Variants in GBE1 observed in about 807,000 individuals in gnomAD.
GBE1 encodes 1,4-alpha-glucan-branching enzyme.
A neutral mutation model predicts 88.8 loss-of-function variants in GBE1; 70 were observed. That is an observed-to-expected ratio of 0.79 (90% CI 0.65 to 0.96). The LOEUF (loss-of-function observed/expected upper bound fraction) is 0.96, where lower values mean the gene tolerates loss of function less well. Among genes scored for constraint, GBE1 ranks in the 40% least tolerant of loss-of-function variants. The probability of loss-of-function intolerance (pLI) is 0.00; values close to 1 mark genes in which losing one functional copy is unlikely to be tolerated. For missense variants in GBE1, 872 were observed against 871.0 expected, an observed-to-expected ratio of 1.00 and a Z score of -0.01; for synonymous variants, 284 against 300.1, an observed-to-expected ratio of 0.95 and a Z score of 0.56.
At chr3:81,584,944 T>C (rs1703781712) in intron 10 of GBE1, among the ~76,000 whole-genome samples, 1 of 152,116 alleles carries the variant, frequency 6.6e-6, no homozygotes, top group African/African-American at 2.4e-5. Flanking sequence ...GAAAAAAGTC[T>C]ACATGAAAAA....
chr3:81,497,521 A>C (rs767200989), intron 15 of GBE1, among the ~76,000 whole-genome samples: 12 of 152,204 alleles, frequency 7.9e-5, no homozygotes, highest in Non-Finnish European at 1.6e-4. Flanking sequence ...GTGCAAAAAA[A>C]GTTAAATTAA....
intron 12 of GBE1, among the ~76,000 whole-genome samples, chr3:81,541,802 A>G (rs2106879213): frequency 6.6e-6 from 1 of 152,250 alleles, no homozygotes; most frequent in African/African-American, 2.4e-5. Flanking sequence ...AGGCTAAGAT[A>G]ATAAGGACTG....
At chr3:81,586,017 A>G in intron 10 of GBE1, 75 bp downstream of exon 10, 5 of 825,482 alleles carry the variant, frequency 6.1e-6, no homozygotes, top group East Asian at 2.7e-5. Context: ...AATGATTACA[A>G]CTAAGAAATA....
intron 5 of GBE1, among the ~76,000 whole-genome samples, chr3:81,646,855 C>A (rs1175714178): frequency 1.3e-5 from 2 of 151,844 alleles, no homozygotes; most frequent in Non-Finnish European, 2.9e-5. Context: ...AATTGCATGA[C>A]ATACGCTTTT....
chr3:81,577,840 C>A, intron 12 of GBE1, 85 bp downstream of exon 12: 12 of 1,115,492 alleles, frequency 1.1e-5, no homozygotes, highest in East Asian at 2.7e-5. Context: ...ATCTGAAAAG[C>A]CAAATCAAAA....
intron 2 of GBE1, among the ~76,000 whole-genome samples, chr3:81,698,703 T>C (rs1295253770): frequency 3.3e-5 from 5 of 152,128 alleles, no homozygotes; most frequent in Non-Finnish European, 5.9e-5. Flanking sequence ...ACAGTATAAC[T>C]GGTAGAAGCA....
intron 7 of GBE1, among the ~76,000 whole-genome samples, chr3:81,621,516 C>T (rs757079825): frequency 6.6e-6 from 1 of 152,138 alleles, no homozygotes; most frequent in Non-Finnish European, 1.5e-5. Context: ...CCTTATAAGG[C>T]TGTTCCACAA....
intron 14 of GBE1, among the ~76,000 whole-genome samples, chr3:81,506,889 G>A (rs1212457210): frequency 6.6e-6 from 1 of 152,096 alleles, no homozygotes; most frequent in African/African-American, 2.4e-5. Context: ...TGCATAAAGA[G>A]GAACGACACA....
intron 1 of GBE1, among the ~76,000 whole-genome samples, chr3:81,725,597 C>A (rs1559700095): frequency 6.6e-6 from 1 of 152,064 alleles, no homozygotes; most frequent in African/African-American, 2.4e-5. Context: ...TAACTGGTAA[C>A]ATGTATTATC....
chr3:81,741,809 AAT>A (rs1382667957), intron 1 of GBE1, among the ~76,000 whole-genome samples: 13 of 148,076 alleles, frequency 8.8e-5, no homozygotes, highest in African/African-American at 2.7e-4. Context: ...TACTCTACAT[AAT>A]ATAGAGTATT....
intron 2 of GBE1, among the ~76,000 whole-genome samples, chr3:81,683,290 G>T (rs901532300): frequency 2.0e-5 from 3 of 152,132 alleles, no homozygotes; most frequent in Non-Finnish European, 4.4e-5. Flanking sequence ...TAAAAGTCAG[G>T]TAGCCTTTAT....
chr3:81,557,909 C>T (rs1272135765), intron 12 of GBE1, among the ~76,000 whole-genome samples: 1 of 151,748 alleles, frequency 6.6e-6, no homozygotes, highest in Non-Finnish European at 1.5e-5. Context: ...TCAAACTGAA[C>T]CAAGAGGTCA....
intron 7 of GBE1, among the ~76,000 whole-genome samples, chr3:81,598,636 G>A (rs1031764765): frequency 6.6e-6 from 1 of 151,742 alleles, no homozygotes; most frequent in African/African-American, 2.4e-5. Flanking sequence ...AACTTGAAAT[G>A]ATTGAAAAGT....
intron 3 of GBE1, chr3:81,650,314 C>G (rs1340610438): frequency 1.2e-5 from 2 of 166,916 alleles, no homozygotes; most frequent in African/African-American, 2.4e-5. Context: ...AGTTATATAA[C>G]CATCTCTTTC....
chr3:81,756,763 G>A (rs1456504796), intron 1 of GBE1, among the ~76,000 whole-genome samples: 2 of 152,254 alleles, frequency 1.3e-5, no homozygotes, highest in East Asian at 3.9e-4. Flanking sequence ...GAATGCTTAG[G>A]CAGAAGCAAT....
At position 81,673,328 on chromosome 3, in the gene GBE1, T is replaced by C. The variant is rs527885904; in HGVS notation, c.314-2375A>G. 2.4e-4 allele frequency among the ~76,000 whole-genome samples: 37 copies of C among 151,984 alleles called. No individual in the cohort carries two copies. In the South Asian group the frequency reaches 5.6e-3, roughly 23 times the overall value. ...AGTTCATTCATTCATTCATTAAATATGTACTCCGTGCTTAATGCAGGCCCT... is the reference window on the plus strand; with the variant it reads ...AGTTCATTCATTCATTCATTAAATACGTACTCCGTGCTTAATGCAGGCCCT... On this transcript the variant is annotated intron_variant, in intron 2 of 15. Coordinates refer to ENST00000429644, the MANE Select transcript of GBE1 (RefSeq NM_000158.4).
intron 1 of GBE1, among the ~76,000 whole-genome samples, chr3:81,737,319 A>T (rs1224906489): frequency 1.6e-3 from 173 of 110,354 alleles, no homozygotes; most frequent in African/African-American, 6.7e-3. Flanking sequence ...ATTTATATAT[A>T]TTTATATATA....
At chr3:81,549,391 T>C (rs183390111) in intron 12 of GBE1, among the ~76,000 whole-genome samples, 1 of 151,742 alleles carries the variant, frequency 6.6e-6, no homozygotes, top group East Asian at 1.9e-4. Flanking sequence ...TGTTTCCTTT[T>C]GTAACAGGAC....
At chr3:81,718,484 A>G (rs1559697909) in intron 1 of GBE1, among the ~76,000 whole-genome samples, 1 of 152,208 alleles carries the variant, frequency 6.6e-6, no homozygotes, top group Non-Finnish European at 1.5e-5. Flanking sequence ...CCTATTGCAC[A>G]GATGAGAAAA....
Sources: allele counts gnomAD v4.1 joint callset (sites outside exome capture counted in the v4.1 genomes callset), GRCh38; gene constraint gnomAD v4.1.1; transcripts MANE v1.5; gene names NCBI Gene and HGNC (gene_info 2026-07-23, HGNC 2026-07-21).